Variants in NCKAP5 observed in about 807,000 individuals in gnomAD.
The protein encoded by NCKAP5 is nck-associated protein 5.
Under a neutral mutation model 167.0 loss-of-function variants are expected in NCKAP5, and 92 were observed. The ratio of observed to expected loss-of-function variants is 0.55; its 90% CI spans 0.47 to 0.66. NCKAP5 has a LOEUF of 0.66. Ranked by LOEUF, NCKAP5 falls within the 30% of genes least tolerant of loss-of-function variation. The pLI is 0.00. For synonymous variants in NCKAP5, 891 were observed against 877.4 expected (o/e 1.02, Z -0.27); for missense variants, 2,378 against 2,315.0 (o/e 1.03, Z -0.56).
the NCKAP5 span, among the ~76,000 whole-genome samples, chr2:133,641,055 A>G: frequency 1.3e-5 from 2 of 152,250 alleles, no homozygotes; most frequent in African/African-American, 4.8e-5. Context: ...AGGTAGATAA[A>G]GTGACAATTA....
chr2:133,464,504 A>T (rs1199152704), intron 3 of NCKAP5, among the ~76,000 whole-genome samples: 1 of 152,192 alleles, frequency 6.6e-6, no homozygotes, highest in Admixed American at 6.5e-5. Context: ...CCCGGCTAAC[A>T]CGGTGAAACC....
At chr2:133,488,579 A>G (rs1405735230) in intron 3 of NCKAP5, among the ~76,000 whole-genome samples, 2 of 152,124 alleles carry the variant, frequency 1.3e-5, no homozygotes, top group East Asian at 1.9e-4. Context: ...CAGGCTGAGT[A>G]CAGTGGCACT....
the NCKAP5 span, among the ~76,000 whole-genome samples, chr2:133,604,680 T>A: frequency 6.6e-6 from 1 of 152,056 alleles, no homozygotes; most frequent in African/African-American, 2.4e-5. Context: ...TGTGTTAACC[T>A]CTCTGTGCCT....
At chr2:132,890,151 A>G (rs544158057) in intron 8 of NCKAP5, among the ~76,000 whole-genome samples, 1 of 152,304 alleles carries the variant, frequency 6.6e-6, no homozygotes, top group South Asian at 2.1e-4. Flanking sequence ...AATTCAACTC[A>G]TGGTTTGGCC....
intron 11 of NCKAP5, among the ~76,000 whole-genome samples, chr2:132,845,362 T>C (rs1032759547): frequency 6.6e-6 from 1 of 152,116 alleles, no homozygotes; most frequent in African/African-American, 2.4e-5. Flanking sequence ...CTTGAGAAAA[T>C]ATCCAATACA....
At chr2:132,933,847 AG>A (rs1205707836) in intron 8 of NCKAP5, among the ~76,000 whole-genome samples, 1 of 152,138 alleles carries the variant, frequency 6.6e-6, no homozygotes, top group South Asian at 2.1e-4. Context: ...GTATTTTCAG[AG>A]GGGGAAAAAA....
intron 19 of NCKAP5, among the ~76,000 whole-genome samples, chr2:132,694,306 G>A (rs974717912): frequency 5.3e-5 from 8 of 152,194 alleles, no homozygotes; most frequent in African/African-American, 1.9e-4. Context: ...TATATTTAGA[G>A]TATCAGGAAG....
At chr2:133,475,050 C>A (rs1679762166) in intron 3 of NCKAP5, among the ~76,000 whole-genome samples, 1 of 152,114 alleles carries the variant, frequency 6.6e-6, no homozygotes, top group African/African-American at 2.4e-5. Flanking sequence ...ACCTCGTGAT[C>A]CGCCCGCCTC....
chr2:132,932,941 T>C (rs1696515451), intron 8 of NCKAP5, among the ~76,000 whole-genome samples: 2 of 150,380 alleles, frequency 1.3e-5, no homozygotes, highest in Non-Finnish European at 3.0e-5. Context: ...TTTTTTTTTT[T>C]TGAGACAGAA....
At chr2:132,864,085 G>A (rs1010207701) in intron 10 of NCKAP5, among the ~76,000 whole-genome samples, 3 of 152,192 alleles carry the variant, frequency 2.0e-5, no homozygotes, top group Admixed American at 6.5e-5. Context: ...ACCCAGAACA[G>A]CCTCCCCAAG....
chr2:133,544,509 A>G (rs1391478690), intron 2 of NCKAP5, among the ~76,000 whole-genome samples: 1 of 152,186 alleles, frequency 6.6e-6, no homozygotes, highest in Admixed American at 6.6e-5. Flanking sequence ...AGGTCTTTCC[A>G]TGTCAAGATA....
chr2:132,782,466 C>T lies in NCKAP5; in HGVS notation c.4345G>A (p.Gly1449Arg). 6.2e-7 allele frequency: 1 copy of T among 1,613,028 alleles called. No homozygotes were observed. Among genetic ancestry groups the T allele is most frequent in the Non-Finnish European group, 8.5e-7 (1 of 1,179,576 alleles). Residue 1449 changes from glycine to arginine, a missense_variant, in exon 14 of 20, where the codon GGA (glycine) becomes AGA (arginine). Gly to Arg is a moderately radical substitution (Grantham distance 125). This residue lies in a region of NCKAP5 where 1,325 missense variants were observed against 1,274.5 expected (regional missense o/e 1.04). Coordinates refer to ENST00000409261, the MANE Select transcript of NCKAP5 (RefSeq NM_207363.3). ...TSSTSKLETS[G>R]RHPDASATAT... is the part of the protein sequence containing the mutation. ...GTTGCAGAGGCATCTGGATGCCTTCCAGAAGTTTCTAGCTTGGATGTACTG... is the reference window on the plus strand; with the variant it reads ...GTTGCAGAGGCATCTGGATGCCTTCTAGAAGTTTCTAGCTTGGATGTACTG...
At chr2:133,663,062 C>T in the NCKAP5 span, among the ~76,000 whole-genome samples, 1 of 151,882 alleles carries the variant, frequency 6.6e-6, no homozygotes, top group Non-Finnish European at 1.5e-5. Flanking sequence ...GTCAGGAGAT[C>T]GAGACCATCC....
intron 3 of NCKAP5, among the ~76,000 whole-genome samples, chr2:133,368,721 A>G (rs1685606980): frequency 6.6e-6 from 1 of 152,248 alleles, no homozygotes; most frequent in East Asian, 1.9e-4. Context: ...GATAAGAAAT[A>G]TAACTAGGAA....
chr2:133,030,008 G>T (rs529447716), intron 6 of NCKAP5, among the ~76,000 whole-genome samples: 5 of 152,312 alleles, frequency 3.3e-5, no homozygotes, highest in African/African-American at 1.2e-4. Context: ...TTACTACGCA[G>T]CTGTCAGTGC....
chr2:133,647,539 G>GGAAAGGAAA, the NCKAP5 span, among the ~76,000 whole-genome samples: 9 of 75,742 alleles, frequency 1.2e-4, no homozygotes, highest in African/African-American at 4.8e-4. Flanking sequence ...AAGGAAAGGA[G>GGAAAGGAAA]GGAGGGAGGG....
chr2:132,812,004 G>A (rs370630564), intron 11 of NCKAP5, among the ~76,000 whole-genome samples: 2 of 152,136 alleles, frequency 1.3e-5, no homozygotes, highest in Non-Finnish European at 2.9e-5. Context: ...TCAGCTCCAG[G>A]TAAAGTCAGA....
chr2:132,701,807 T>C (rs553648207), intron 19 of NCKAP5, among the ~76,000 whole-genome samples: 1 of 152,170 alleles, frequency 6.6e-6, no homozygotes, highest in Non-Finnish European at 1.5e-5. Flanking sequence ...CTCCACAATG[T>C]GATTATTCAA....
chr2:133,084,061 G>A (rs762106212), intron 6 of NCKAP5, among the ~76,000 whole-genome samples: 4 of 152,128 alleles, frequency 2.6e-5, no homozygotes, highest in Admixed American at 6.5e-5. Context: ...CACAGAAAAC[G>A]GGGAAGGCAT....
Sources: gnomAD v4.1 joint callset for allele counts (sites outside exome capture counted in the v4.1 genomes callset) on GRCh38, gnomAD v4.1.1 for gene constraint, gnomAD v4.1.1 regional missense constraint, MANE v1.5 for transcripts, NCBI Gene and HGNC (gene_info 2026-07-23, HGNC 2026-07-21) for gene names.